Variants in CACNA1E observed in about 807,000 individuals in gnomAD.
CACNA1E encodes calcium voltage-gated channel subunit alpha1 E.
A neutral mutation model predicts 259.2 loss-of-function variants in CACNA1E; 40 were observed. The observed-to-expected ratio is 0.15, with a 90% CI of 0.12 to 0.20. The LOEUF is 0.20. Among genes scored for constraint, CACNA1E ranks in the 10% least tolerant of loss-of-function variants. The pLI is 1.00. For synonymous variants in CACNA1E, 1,104 were observed against 1,138.5 expected, an observed-to-expected ratio of 0.97 and a Z score of 0.61; for missense variants, 1,874 against 3,040.1, an observed-to-expected ratio of 0.62 and a Z score of 9.02.
At chr1:181,561,787 T>G (rs1351883953) in intron 3 of CACNA1E, among the ~76,000 whole-genome samples, 3 of 152,194 alleles carry the variant, frequency 2.0e-5, no homozygotes, top group Non-Finnish European at 2.9e-5. Context: ...TGTATAACTC[T>G]GTAAGGAGCT....
intron 1 of CACNA1E, among the ~76,000 whole-genome samples, chr1:181,388,261 C>T (rs1187263741): frequency 5.9e-5 from 9 of 152,190 alleles, no homozygotes; most frequent in South Asian, 2.1e-4. Flanking sequence ...TCTGCGGTAA[C>T]GTTCTAGAAG....
intron 6 of CACNA1E, among the ~76,000 whole-genome samples, chr1:181,595,293 G>C (rs1464122737): frequency 6.6e-6 from 1 of 152,146 alleles, no homozygotes; most frequent in African/African-American, 2.4e-5. Context: ...GCCTCTGAAG[G>C]TACTTCTCGT....
At chr1:181,514,644 A>C (rs1666422274) in intron 3 of CACNA1E, among the ~76,000 whole-genome samples, 1 of 151,886 alleles carries the variant, frequency 6.6e-6, no homozygotes, top group South Asian at 2.1e-4. Flanking sequence ...AGGAGGAATG[A>C]CAGGTGCTGG....
At position 181,772,358 on chromosome 1, in the gene CACNA1E, C is replaced by G; in HGVS notation, c.5139+127C>G. The G allele has an allele frequency of 4.6e-6, 4 of 869,732 alleles. No individual in the cohort carries two copies. In the East Asian group the frequency reaches 7.3e-5, roughly 16 times the overall value. The allele number at this position is 869,732 out of a possible 1,614,324, so 53.9% of individuals were successfully genotyped here. ...GCCTCCCTCCCCTCCTCTCTCCACA[C>G]CCCCACCATGCACACACTCACACTC... On this transcript the variant is annotated intron_variant, in intron 37 of 47. Coordinates refer to ENST00000367573, the MANE Select transcript of CACNA1E (RefSeq NM_001205293.3).
rs571651789 is a variant in CACNA1E at position 181,424,492 on chromosome 1, C to T, written c.434+10912C>T. 6.6e-5 allele frequency among the ~76,000 whole-genome samples: 10 copies of T among 152,332 alleles called. No homozygotes were observed. In the East Asian group the frequency reaches 1.7e-3, roughly 26 times the overall value. On this transcript the variant is annotated intron_variant, in intron 2 of 11. Transcript: ENST00000524607. ...GGGTTTGAGAATAAACAAGGTGGTG[C>T]GCGAGCAGCGCGGTTTTCTGTGCTT...
chr1:181,537,367 G>A (rs1416544611), intron 3 of CACNA1E, among the ~76,000 whole-genome samples: 1 of 152,096 alleles, frequency 6.6e-6, no homozygotes, highest in African/African-American at 2.4e-5. Context: ...CCAAAGTGCT[G>A]GGATTACAGG....
intron 6 of CACNA1E, among the ~76,000 whole-genome samples, chr1:181,606,534 A>C (rs1484963799): frequency 6.6e-6 from 1 of 152,138 alleles, no homozygotes; most frequent in Non-Finnish European, 1.5e-5. Context: ...CAGCCTCTTG[A>C]CTGTCTTTCC....
chr1:181,379,329 A>G (rs1655308070), intron 1 of CACNA1E, among the ~76,000 whole-genome samples: 1 of 152,234 alleles, frequency 6.6e-6, no homozygotes, highest in Admixed American at 6.5e-5. Flanking sequence ...TCCAAATTTA[A>G]TGAAAACTAT....
intron 18 of CACNA1E, among the ~76,000 whole-genome samples, chr1:181,729,526 T>A (rs1655270417): frequency 6.6e-6 from 1 of 152,252 alleles, no homozygotes; most frequent in Non-Finnish European, 1.5e-5. Context: ...CTCACTAATA[T>A]ACCCTGTGAC....
intron 1 of CACNA1E, among the ~76,000 whole-genome samples, chr1:181,320,131 C>T (rs569002941): frequency 2.0e-5 from 3 of 152,284 alleles, no homozygotes; most frequent in Non-Finnish European, 4.4e-5. Context: ...TACAGTGACC[C>T]ACAGAGTCAC....
intron 1 of CACNA1E, among the ~76,000 whole-genome samples, chr1:181,353,276 C>T (rs1352938773): frequency 6.6e-6 from 1 of 152,068 alleles, no homozygotes; most frequent in Non-Finnish European, 1.5e-5. Flanking sequence ...CTGGGGATAC[C>T]ACAAACATGG....
At chr1:181,357,998 A>G (rs1653582433) in intron 1 of CACNA1E, among the ~76,000 whole-genome samples, 1 of 152,128 alleles carries the variant, frequency 6.6e-6, no homozygotes, top group African/African-American at 2.4e-5. Context: ...TTGCTGGTGG[A>G]GCGTTCTGTC....
intron 1 of CACNA1E, among the ~76,000 whole-genome samples, chr1:181,510,188 G>A (rs537791323): frequency 6.6e-6 from 1 of 152,272 alleles, no homozygotes; most frequent in East Asian, 1.9e-4. Flanking sequence ...CTCAGTAGCT[G>A]GAGTGTCTGC....
rs145831022 is a variant in CACNA1E at position 181,734,193 on chromosome 1, T to C, written c.3262+443T>C. 3.5e-3 allele frequency among the ~76,000 whole-genome samples: 532 copies of C among 152,252 alleles called. 1 individual carries two copies. Among genetic ancestry groups the C allele is most frequent in the Non-Finnish European group, 5.3e-3 (358 of 68,020 alleles). On this transcript the variant is annotated intron_variant, in intron 21 of 47. Transcript: ENST00000367573. Reference sequence around the variant, plus strand: ...CATCTCTTGAGGCCTCAGTTTGTCATCTGTAAAGTGAGAGCATTGTACTAG... The same window carrying C: ...CATCTCTTGAGGCCTCAGTTTGTCACCTGTAAAGTGAGAGCATTGTACTAG...
Position 181,752,124 on chromosome 1 carries a change from G to T in CACNA1E, c.3732-19G>T, listed in dbSNP as rs1469953711. ...TCTCCCCCATTCCATATGATTCCCT[G>T]GGGGCCTCTCCCCTGCAGAACCAAC... On this transcript the variant is annotated intron_variant, in intron 26 of 47. Transcript: ENST00000367573. The T allele has an allele frequency of 6.4e-7, 1 of 1,551,480 alleles. No homozygotes were observed. The highest frequency in any genetic ancestry group is 8.9e-7 in the Non-Finnish European group (1 of 1,123,098).
In CACNA1E at chr1:181,781,491, G is replaced by A. The variant is rs1301005373; in HGVS notation, c.5332G>A (p.Gly1778Ser). The A allele has an allele frequency of 6.3e-7, 1 of 1,591,438 alleles. No homozygotes were observed. Among genetic ancestry groups the A allele is most frequent in the Non-Finnish European group, 8.6e-7 (1 of 1,164,486 alleles). ...LTLMSPPLGL[G>S]KRCPSKVAYK... ...TCTCATGTCACCTCCGCTAGGCCTC[G>A]GCAAGAGATGTCCCTCCAAAGTGGC... Residue 1778 changes from glycine (G) to serine (S), a missense_variant, in exon 39 of 48, where the codon GGC becomes AGC. Around this residue, in one of 14 missense-constraint regions of CACNA1E, gnomAD observed 147 missense variants for 337.1 expected, o/e 0.44. Coordinates refer to ENST00000367573, the MANE Select transcript of CACNA1E (RefSeq NM_001205293.3).
chr1:181,545,892 T>C (rs905027088), intron 3 of CACNA1E, among the ~76,000 whole-genome samples: 3 of 152,160 alleles, frequency 2.0e-5, no homozygotes, highest in African/African-American at 7.2e-5. Context: ...TTCAGGAGTG[T>C]TCTTTCTGTG....
intron 2 of CACNA1E, among the ~76,000 whole-genome samples, chr1:181,464,239 T>G (rs1299178627): frequency 6.6e-6 from 1 of 152,176 alleles, no homozygotes; most frequent in East Asian, 1.9e-4. Flanking sequence ...TAGGATCACC[T>G]TGTCACATTT....
chr1:181,345,296 G>A (rs986935395), intron 1 of CACNA1E, among the ~76,000 whole-genome samples: 1 of 152,264 alleles, frequency 6.6e-6, no homozygotes, highest in Non-Finnish European at 1.5e-5. Flanking sequence ...CCTAATAAGA[G>A]TGCCACAGAC....
Sources: gnomAD v4.1 joint callset for allele counts (sites outside exome capture counted in the v4.1 genomes callset) on GRCh38, gnomAD v4.1.1 for gene constraint, gnomAD v4.1.1 regional missense constraint, MANE v1.5 for transcripts, NCBI Gene and HGNC (gene_info 2026-07-23, HGNC 2026-07-21) for gene names.